Variants in AJAP1 observed in about 807,000 individuals in gnomAD.
AJAP1 encodes the protein adherens junctions associated protein 1.
AJAP1 carries 5 observed loss-of-function variants against 35.0 expected under a neutral mutation model. The observed-to-expected ratio is 0.14, with a 90% CI of 0.07 to 0.30. The LOEUF (loss-of-function observed/expected upper bound fraction) is 0.30. Among genes scored for constraint, AJAP1 ranks in the 10% least tolerant of loss-of-function variants. AJAP1 has a pLI of 1.00. For synonymous variants in AJAP1, 284 were observed against 249.3 expected, an observed-to-expected ratio of 1.14 and a Z score of -1.31; for missense variants, 586 against 571.0, an observed-to-expected ratio of 1.03 and a Z score of -0.27.
At chr1:4,760,311 A>G (rs1451717361) in intron 2 of AJAP1, among the ~76,000 whole-genome samples, 1 of 150,784 alleles carries the variant, frequency 6.6e-6, no homozygotes, top group East Asian at 1.9e-4. Context: ...ATGAGTGTGT[A>G]TATGAGTGTG....
At chr1:4,745,005 G>A (rs1351578939) in intron 2 of AJAP1, among the ~76,000 whole-genome samples, 2 of 152,144 alleles carry the variant, frequency 1.3e-5, no homozygotes, top group Non-Finnish European at 2.9e-5. Flanking sequence ...CCTGGGGCCA[G>A]TGGTTAGGCC....
chr1:4,685,047 C>T (rs750045055), intron 1 of AJAP1, among the ~76,000 whole-genome samples: 4 of 152,178 alleles, frequency 2.6e-5, no homozygotes, highest in Non-Finnish European at 5.9e-5. Context: ...AGTTTCCTCT[C>T]CCAGCAGGGC....
intron 1 of AJAP1, among the ~76,000 whole-genome samples, chr1:4,664,382 A>G (rs968268465): frequency 6.6e-5 from 10 of 152,176 alleles, no homozygotes; most frequent in East Asian, 1.9e-4. Context: ...ATGGATGCCC[A>G]TGGTATGGAG....
Position 4,734,412 on chromosome 1 carries a change from C to CCTCT in AJAP1, c.829+21714_829+21715insTCTC, listed in dbSNP as rs1640872136. 6.6e-6 allele frequency among the ~76,000 whole-genome samples: 1 copy of CCTCT among 152,112 alleles called. No individual in the cohort carries two copies. The highest frequency in any genetic ancestry group is 2.1e-4 in the South Asian group (1 of 4,818). On this transcript the variant is annotated intron_variant, in intron 2 of 5. Coordinates refer to ENST00000378191, the MANE Select transcript of AJAP1 (RefSeq NM_018836.4). The surrounding 1 kb of genome is among the most constrained non-coding windows in gnomAD (Gnocchi z 4.3). ...ATCTTAAATCAGCAGAGGCAGAGGC[C>CCTCT]CCGAGAGGTTAAGTGACTTGCCTGA...
At position 4,781,529 on chromosome 1, in the gene AJAP1, G is replaced by A. The variant is rs537189077; in HGVS notation, c.*60-1016G>A. ...TAGAGCTCCCACTGGGTGTTTTTCC[G>A]ACTTCATTTTTGGATCAGCGGGTAC... On this transcript the variant is annotated intron_variant, in intron 5 of 5. Coordinates refer to ENST00000378191, the MANE Select transcript of AJAP1 (RefSeq NM_018836.4). 6.6e-5 allele frequency among the ~76,000 whole-genome samples: 10 copies of A among 152,338 alleles called. No homozygotes were observed. In the South Asian group the frequency reaches 1.4e-3, roughly 22 times the overall value.
intron 1 of AJAP1, among the ~76,000 whole-genome samples, chr1:4,689,735 T>C (rs1454756908): frequency 6.6e-6 from 1 of 152,242 alleles, no homozygotes; most frequent in Non-Finnish European, 1.5e-5. Flanking sequence ...GTGAACCCGC[T>C]TTCAAGCTGT....
chr1:4,778,644 C>G (rs1215981502), intron 5 of AJAP1, among the ~76,000 whole-genome samples: 3 of 152,016 alleles, frequency 2.0e-5, no homozygotes, highest in Non-Finnish European at 4.4e-5. Context: ...CTCCCTCTCT[C>G]TCTCTTTTCC....
chr1:4,782,446 G>C lies in AJAP1; in HGVS notation c.*60-99G>C, dbSNP rs1466416989. 3.7e-6 allele frequency: 1 copy of C among 271,622 alleles called. No homozygotes were observed. Among genetic ancestry groups the C allele is most frequent in the Non-Finnish European group, 6.9e-6 (1 of 145,852 alleles). 16.8% of individuals were successfully genotyped at this position (271,622 alleles called of 1,614,324 possible). The stretch of plus-strand genomic sequence containing the variant: ...GAGTGATCGGGCTCTGCATGCGGGG[G>C]TGCTGCGTGTGGGGGTCCCAGTCGA... On this transcript the variant is annotated intron_variant, in intron 5 of 5. Transcript: ENST00000378191. The surrounding 1 kb of genome is among the most constrained non-coding windows in gnomAD (Gnocchi z 5.3).
chr1:4,704,285 C>G, intron 1 of AJAP1, among the ~76,000 whole-genome samples: 1 of 151,194 alleles, frequency 6.6e-6, no homozygotes, highest in African/African-American at 2.4e-5. Context: ...TTAGGTATAT[C>G]TCCAAATGCT....
intron 1 of AJAP1, among the ~76,000 whole-genome samples, chr1:4,701,821 G>A (rs1003931334): frequency 6.6e-6 from 1 of 152,266 alleles, no homozygotes; most frequent in Admixed American, 6.5e-5. Flanking sequence ...CTGATGTGCC[G>A]CTGGGCTGTG....
At chr1:4,686,667 A>G (rs1167370071) in intron 1 of AJAP1, among the ~76,000 whole-genome samples, 1 of 152,214 alleles carries the variant, frequency 6.6e-6, no homozygotes, top group Non-Finnish European at 1.5e-5. Flanking sequence ...TCCGATCTCA[A>G]CGCCATGAAA....
intron 2 of AJAP1, among the ~76,000 whole-genome samples, chr1:4,750,571 G>T (rs1049094963): frequency 6.6e-6 from 1 of 151,622 alleles, no homozygotes; most frequent in Non-Finnish European, 1.5e-5. Context: ...GGTGTGCTGG[G>T]ATGGGCACAG....
chr1:4,726,505 C>G (rs981263744), intron 2 of AJAP1, among the ~76,000 whole-genome samples: 3 of 152,016 alleles, frequency 2.0e-5, no homozygotes, highest in Non-Finnish European at 4.4e-5. Context: ...GGCAGCAAGT[C>G]TGGGAGCCTA....
At chr1:4,707,896 C>T (rs1030919180) in intron 1 of AJAP1, among the ~76,000 whole-genome samples, 8 of 151,040 alleles carry the variant, frequency 5.3e-5, no homozygotes, top group South Asian at 2.1e-4. Context: ...CTCGTGTCCT[C>T]GCCAGCACTT....
intron 1 of AJAP1, among the ~76,000 whole-genome samples, chr1:4,682,152 A>G (rs1449602588): frequency 6.6e-6 from 1 of 152,082 alleles, no homozygotes; most frequent in Non-Finnish European, 1.5e-5. Context: ...AAATTTCCCA[A>G]CTTCAGAGCT....
chr1:4,701,408 G>A (rs1260445906), intron 1 of AJAP1, among the ~76,000 whole-genome samples: 3 of 152,174 alleles, frequency 2.0e-5, no homozygotes, highest in East Asian at 1.9e-4. Flanking sequence ...TCACCCCCAC[G>A]CCATGCTGTT....
At chr1:4,698,587 C>G (rs370511604) in intron 1 of AJAP1, among the ~76,000 whole-genome samples, 45 of 152,198 alleles carry the variant, frequency 3.0e-4, no homozygotes, top group African/African-American at 1.0e-3. Flanking sequence ...CATTGGCCCT[C>G]TCCCACCCTC....
Position 4,712,134 on chromosome 1 carries a change from G to A in AJAP1, c.264G>A (p.Arg88=). ...VWSPRPPRVE[R]IHGQMQMPRA... ...GCCCCCGGCCGCCCCGAGTGGAGCG[G>A]ATCCACGGGCAGATGCAGATGCCTC... Residue 88 remains arginine (R), a synonymous_variant, in exon 2 of 6, where the codon CGG becomes CGA. Transcript: ENST00000378191. 2.6e-6 allele frequency: 4 copies of A among 1,555,464 alleles called. No homozygotes were observed. Among genetic ancestry groups the A allele is most frequent in the Non-Finnish European group, 3.5e-6 (4 of 1,157,616 alleles).
intron 1 of AJAP1, among the ~76,000 whole-genome samples, chr1:4,683,812 C>T (rs1346660071): frequency 6.6e-6 from 1 of 152,204 alleles, no homozygotes; most frequent in African/African-American, 2.4e-5. Context: ...AAGAACATCA[C>T]TGTCCCCAGA....
Sources: allele counts gnomAD v4.1 joint callset (sites outside exome capture counted in the v4.1 genomes callset), GRCh38; gene constraint gnomAD v4.1.1; non-coding constraint Gnocchi (gnomAD v3.1); transcripts MANE v1.5; gene names NCBI Gene and HGNC (gene_info 2026-07-23, HGNC 2026-07-21).